Variants in DPF3 observed in about 807,000 individuals in gnomAD.
The protein encoded by DPF3 is zinc finger protein DPF3.
A neutral mutation model predicts 56.8 loss-of-function variants in DPF3; 18 were observed. That is an observed-to-expected ratio of 0.32 (90% CI 0.22 to 0.47). The LOEUF is 0.47. Among genes scored for constraint, DPF3 ranks in the 20% least tolerant of loss-of-function variants. DPF3 has a pLI of 1.00. For synonymous variants in DPF3, 188 were observed against 180.2 expected, an observed-to-expected ratio of 1.04 and a Z score of -0.35; for missense variants, 403 against 488.8, an observed-to-expected ratio of 0.82 and a Z score of 1.65.
intron 4 of DPF3, among the ~76,000 whole-genome samples, chr14:72,728,263 G>A (rs1488197186): frequency 6.6e-6 from 1 of 152,176 alleles, no homozygotes; most frequent in African/African-American, 2.4e-5. Context: ...AAACACCAAA[G>A]GCAAGAAGAG....
At chr14:72,893,832 A>T (rs1334983077) in intron 1 of DPF3, among the ~76,000 whole-genome samples, 1 of 152,246 alleles carries the variant, frequency 6.6e-6, no homozygotes, top group Non-Finnish European at 1.5e-5. Flanking sequence ...ATTTAGCAGA[A>T]CACAAATGTA....
chr14:72,657,454 C>T (rs1886089637), intron 8 of DPF3, among the ~76,000 whole-genome samples: 1 of 152,176 alleles, frequency 6.6e-6, no homozygotes, highest in Non-Finnish European at 1.5e-5. Context: ...ACTAGAAAAA[C>T]TAGTAAACAG....
chr14:72,835,298 C>T (rs997317942), intron 1 of DPF3, among the ~76,000 whole-genome samples: 31 of 152,250 alleles, frequency 2.0e-4, no homozygotes, highest in Admixed American at 1.9e-3. Flanking sequence ...AAACCCCTGA[C>T]CTCGTGATCC....
chr14:72,778,283 G>T (rs577377828), intron 1 of DPF3, among the ~76,000 whole-genome samples: 6 of 152,286 alleles, frequency 3.9e-5, no homozygotes, highest in African/African-American at 1.2e-4. Context: ...AGTGAGCATT[G>T]CTGCCTGAGC....
intron 1 of DPF3, chr14:72,892,534 T>C: frequency 7.2e-7 from 1 of 1,390,056 alleles, no homozygotes; most frequent in Non-Finnish European, 9.3e-7. Flanking sequence ...GGCGACGAGC[T>C]GGCGCAAACA....
chr14:72,876,210 G>A (rs17781679), intron 1 of DPF3, among the ~76,000 whole-genome samples: 4,934 of 152,314 alleles, frequency 0.032, 97 homozygotes, highest in Non-Finnish European at 0.045. Context: ...GTAGCTGACA[G>A]GATTGATGGC....
intron 1 of DPF3, among the ~76,000 whole-genome samples, chr14:72,785,116 G>A (rs960465418): frequency 6.6e-5 from 10 of 151,908 alleles, no homozygotes; most frequent in African/African-American, 1.2e-4. Context: ...TGAGATCCCC[G>A]TCTCTACAAA....
intron 6 of DPF3, among the ~76,000 whole-genome samples, chr14:72,699,960 G>C (rs1888087748): frequency 6.6e-6 from 1 of 152,144 alleles, no homozygotes; most frequent in African/African-American, 2.4e-5. Context: ...GAGGGAGGTT[G>C]GTGGGTGGAG....
At chr14:72,789,482 G>A (rs1892341981) in intron 1 of DPF3, among the ~76,000 whole-genome samples, 1 of 152,134 alleles carries the variant, frequency 6.6e-6, no homozygotes, top group Admixed American at 6.6e-5. Flanking sequence ...ATTTTGTGTT[G>A]TATCTATCCG....
At chr14:72,890,522 A>AATAATAATAATAATG (rs1555517361) in intron 1 of DPF3, among the ~76,000 whole-genome samples, 2 of 151,422 alleles carry the variant, frequency 1.3e-5, no homozygotes, top group African/African-American at 2.4e-5. Context: ...TAATAATAAT[A>AATAATAATAATAATG]GCATTATGTT....
At chr14:72,738,150 G>A (rs540951578) in intron 3 of DPF3, among the ~76,000 whole-genome samples, 3 of 152,260 alleles carry the variant, frequency 2.0e-5, no homozygotes, top group East Asian at 3.9e-4. Flanking sequence ...AGACTGGGGA[G>A]GGGGATCAGA....
chr14:72,709,181 G>A (rs1298199818), intron 6 of DPF3, among the ~76,000 whole-genome samples: 1 of 152,262 alleles, frequency 6.6e-6, no homozygotes, highest in African/African-American at 2.4e-5. Context: ...GCAACAGGGT[G>A]AAGCGGCCAC....
intron 1 of DPF3, among the ~76,000 whole-genome samples, chr14:72,877,451 AG>A (rs754961086): frequency 8.5e-5 from 13 of 152,160 alleles, no homozygotes; most frequent in Non-Finnish European, 1.6e-4. Context: ...TGCATTTCTC[AG>A]GGAATCAACA....
At chr14:72,672,032 C>CAT (rs1886699563) in intron 8 of DPF3, among the ~76,000 whole-genome samples, 1 of 97,920 alleles carries the variant, frequency 1.0e-5, no homozygotes, top group African/African-American at 4.4e-5. Flanking sequence ...GTGCACACCA[C>CAT]ACACACACAC....
chr14:72,725,544 A>C (rs1485986596), intron 4 of DPF3, among the ~76,000 whole-genome samples: 1 of 152,096 alleles, frequency 6.6e-6, no homozygotes, highest in Non-Finnish European at 1.5e-5. Flanking sequence ...ACCAGTGCTT[A>C]GTGGCTCAAG....
At chr14:72,688,089 A>G (rs987864582) in intron 7 of DPF3, among the ~76,000 whole-genome samples, 2 of 150,938 alleles carry the variant, frequency 1.3e-5, no homozygotes, top group Non-Finnish European at 2.9e-5. Context: ...CAGCATATAG[A>G]CAATATTCAA....
intron 1 of DPF3, among the ~76,000 whole-genome samples, chr14:72,873,916 C>A (rs1599515466): frequency 6.6e-6 from 1 of 150,942 alleles, no homozygotes; most frequent in South Asian, 2.1e-4. Flanking sequence ...CACACCGGGG[C>A]CTGTTGTGGG....
chr14:72,737,800 C>A (rs896405975), intron 3 of DPF3, among the ~76,000 whole-genome samples: 2 of 152,172 alleles, frequency 1.3e-5, no homozygotes, highest in African/African-American at 4.8e-5. Flanking sequence ...TGGGCTCCCT[C>A]TGATGCAGGG....
At chr14:72,695,893 C>T (rs894387104) in intron 6 of DPF3, among the ~76,000 whole-genome samples, 1 of 152,104 alleles carries the variant, frequency 6.6e-6, no homozygotes, top group Non-Finnish European at 1.5e-5. Flanking sequence ...TATATTCTCT[C>T]TTCCTCTCTC....
Sources: allele counts gnomAD v4.1 joint callset (sites outside exome capture counted in the v4.1 genomes callset), GRCh38; gene constraint gnomAD v4.1.1; transcripts MANE v1.5; gene names NCBI Gene and HGNC (gene_info 2026-07-23, HGNC 2026-07-21).